Variants in S100PBP observed in about 807,000 individuals in gnomAD.
S100PBP encodes the protein S100P binding protein, also known as S100P-binding protein.
A neutral mutation model predicts 39.9 loss-of-function variants in S100PBP; 15 were observed. The ratio of observed to expected loss-of-function variants is 0.38; its 90% confidence interval spans 0.25 to 0.58. The LOEUF (loss-of-function observed/expected upper bound fraction) is 0.58, where lower values mean the gene tolerates loss of function less well. Among genes scored for constraint, S100PBP ranks in the 20% least tolerant of loss-of-function variants. The probability of loss-of-function intolerance (pLI) is 0.70; values close to 1 mark genes in which losing one functional copy is unlikely to be tolerated. For missense variants in S100PBP, 504 were observed against 487.3 expected, an observed-to-expected ratio of 1.03 and a Z score of -0.32; for synonymous variants, 178 against 180.3, an observed-to-expected ratio of 0.99 and a Z score of 0.10.
intron 5 of S100PBP, among the ~76,000 whole-genome samples, chr1:32,845,683 CT>C (rs201215253): frequency 0.11 from 15,300 of 140,414 alleles, 787 homozygotes; most frequent in South Asian, 0.14. Flanking sequence ...TTTTCATTTT[CT>C]TTTTTTTTTT....
intron 5 of S100PBP, among the ~76,000 whole-genome samples, chr1:32,838,438 C>G (rs1639942127): frequency 6.6e-6 from 1 of 152,088 alleles, no homozygotes; most frequent in Non-Finnish European, 1.5e-5. Flanking sequence ...TCCGGTTGCC[C>G]CCAGCCTTAC....
intron 5 of S100PBP, chr1:32,836,679 C>A: frequency 1.5e-6 from 1 of 652,796 alleles, no homozygotes; most frequent in Non-Finnish European, 1.9e-6. Flanking sequence ...CCAATTTGCA[C>A]TGCTTGTTCT....
intron 6 of S100PBP, 38 bp downstream of exon 6, chr1:32,853,204 AT>A: frequency 1.3e-6 from 2 of 1,494,016 alleles, no homozygotes; most frequent in Non-Finnish European, 1.9e-6. Context: ...AAAGGGTAGA[AT>A]GGCTGGGCGC....
chr1:32,841,175 T>A (rs785277), intron 5 of S100PBP, among the ~76,000 whole-genome samples: 19,767 of 147,978 alleles, frequency 0.13, 1,639 homozygotes, highest in South Asian at 0.23. Context: ...AAAAAAAAAA[T>A]AAAAAAAATT....
chr1:32,844,629 C>A (rs1338728195), intron 5 of S100PBP, among the ~76,000 whole-genome samples: 2 of 151,814 alleles, frequency 1.3e-5, no homozygotes, highest in Non-Finnish European at 2.9e-5. Flanking sequence ...TGCCACTATG[C>A]CTAGCTAATT....
intron 5 of S100PBP, among the ~76,000 whole-genome samples, chr1:32,831,493 C>T (rs1186746669): frequency 6.6e-6 from 1 of 151,964 alleles, no homozygotes; most frequent in Non-Finnish European, 1.5e-5. Flanking sequence ...TTTGACAAAT[C>T]TTGAATTATG....
intron 5 of S100PBP, chr1:32,835,926 T>C (rs1326738372): frequency 6.6e-6 from 1 of 151,540 alleles, no homozygotes; most frequent in African/African-American, 2.4e-5. Flanking sequence ...TGAACATGGG[T>C]CTACAGATAT....
intron 5 of S100PBP, among the ~76,000 whole-genome samples, chr1:32,831,556 G>A (rs1309996858): frequency 6.6e-6 from 1 of 152,006 alleles, no homozygotes; most frequent in Non-Finnish European, 1.5e-5. Context: ...TCAGTCAGAA[G>A]AATTTTTTAT....
Position 32,820,128 on chromosome 1 carries a change from T to C in S100PBP, c.-120+2439T>C, listed in dbSNP as rs569432355. On this transcript the variant is annotated intron_variant, in intron 1 of 6. Coordinates refer to ENST00000373475, the MANE Select transcript of S100PBP (RefSeq NM_022753.4). Reference sequence around the variant, plus strand: ...TCCCTACCAGTTTAGCACTCTTTTTTCCTACCGTTCCTATGCTTTTTTTTT... The same window carrying C: ...TCCCTACCAGTTTAGCACTCTTTTTCCCTACCGTTCCTATGCTTTTTTTTT... Among the ~76,000 whole-genome samples the C allele has an allele frequency of 2.8e-4, 41 of 146,194 alleles. No homozygotes were observed. The South Asian group carries it at 8.9e-3, about 32-fold the overall frequency.
chr1:32,844,078 T>C (rs1049085407), intron 5 of S100PBP, among the ~76,000 whole-genome samples: 35 of 151,502 alleles, frequency 2.3e-4, no homozygotes, highest in Admixed American at 1.3e-4. Context: ...CATGCCTGGC[T>C]AATTTTTTTG....
intron 5 of S100PBP, chr1:32,836,919 A>C (rs1294786672): frequency 6.6e-6 from 1 of 152,002 alleles, no homozygotes; most frequent in Non-Finnish European, 1.5e-5. Context: ...TAAAATTCTA[A>C]ATTTAAAATC....
intron 5 of S100PBP, among the ~76,000 whole-genome samples, chr1:32,849,192 T>C (rs1008325470): frequency 2.6e-5 from 4 of 151,998 alleles, no homozygotes; most frequent in Non-Finnish European, 4.4e-5. Context: ...TCACTCAGGT[T>C]GGAGTGCAGT....
chr1:32,844,142 C>A (rs1287710840), intron 5 of S100PBP, among the ~76,000 whole-genome samples: 1 of 152,102 alleles, frequency 6.6e-6, no homozygotes. Context: ...TCTTGAACTC[C>A]TGACCTTAGG....
At chr1:32,829,255 A>G (rs1245290676) in intron 4 of S100PBP, among the ~76,000 whole-genome samples, 3 of 152,140 alleles carry the variant, frequency 2.0e-5, no homozygotes, top group Non-Finnish European at 2.9e-5. Flanking sequence ...AATTGCTCTC[A>G]CCAAGGTCAC....
intron 1 of S100PBP, 83 bp from the exon 2 acceptor site, chr1:32,825,230 C>T (rs1047684046): frequency 6.6e-6 from 1 of 152,044 alleles, no homozygotes; most frequent in African/African-American, 2.4e-5. Context: ...ACATCGAGCA[C>T]CTTAAAGCAT....
intron 4 of S100PBP, among the ~76,000 whole-genome samples, 169 bp from the exon 5 acceptor site, chr1:32,829,795 G>GT (rs374121674): frequency 5.3e-5 from 8 of 151,750 alleles, no homozygotes; most frequent in African/African-American, 1.2e-4. Context: ...CTCCATTTTA[G>GT]TTTTTTTTGT....
At chr1:32,828,182 A>T in intron 4 of S100PBP, 101 bp downstream of exon 4, 1 of 691,122 alleles carries the variant, frequency 1.4e-6, no homozygotes. Flanking sequence ...AAAAATCCCT[A>T]CTCCAGGAGT....
At chr1:32,845,475 C>G (rs1006020755) in intron 5 of S100PBP, among the ~76,000 whole-genome samples, 1 of 151,930 alleles carries the variant, frequency 6.6e-6, no homozygotes, top group Non-Finnish European at 1.5e-5. Context: ...CTCACTGTTA[C>G]CCAGGCTAGT....
intron 1 of S100PBP, among the ~76,000 whole-genome samples, chr1:32,821,521 C>T (rs1288874303): frequency 6.6e-6 from 1 of 152,012 alleles, no homozygotes; most frequent in Non-Finnish European, 1.5e-5. Flanking sequence ...GGGGTTTCAC[C>T]AGGTTGGTCC....
Sources: gnomAD v4.1 joint callset for allele counts (sites outside exome capture counted in the v4.1 genomes callset) on GRCh38, gnomAD v4.1.1 for gene constraint, MANE v1.5 for transcripts, NCBI Gene and HGNC (gene_info 2026-07-23, HGNC 2026-07-21) for gene names.